ZNF674: variants seen among roughly 807,000 people sequenced by gnomAD.
ZNF674 encodes zinc finger protein 674.
ZNF674 carries 2 observed loss-of-function variants against 7.0 expected under a neutral mutation model. The ratio of observed to expected loss-of-function variants is 0.29; its 90% CI spans 0.12 to 0.90. ZNF674 has a LOEUF of 0.90. ZNF674 is among the 40% of genes least tolerant of loss of function. The pLI, the probability that ZNF674 is intolerant of heterozygous loss-of-function variation, is 0.57. For missense variants in ZNF674, 297 were observed against 415.5 expected (o/e 0.71, Z 2.48); for synonymous variants, 103 against 145.2 (o/e 0.71, Z 2.09).
At chrX:46,521,403 C>T (rs184518455) in intron 5 of ZNF674, among the ~76,000 whole-genome samples, 288 of 109,768 alleles carry the variant, frequency 2.6e-3, no homozygotes, top group African/African-American at 8.9e-3. Context: ...ACGGCAAAAC[C>T]CCATCTCTAC....
intron 1 of ZNF674, 145 bp from the exon 2 acceptor site, chrX:46,544,756 C>T (rs1942349362): frequency 8.9e-6 from 1 of 112,165 alleles, no homozygotes; most frequent in Admixed American, 9.5e-5. Context: ...CATTCATGCA[C>T]AGCTCAATTA....
chrX:46,507,735 C>A (rs979553344), intron 5 of ZNF674, among the ~76,000 whole-genome samples: 4 of 111,912 alleles, frequency 3.6e-5, no homozygotes, highest in Admixed American at 1.9e-4. Flanking sequence ...TGTACATACG[C>A]ATGCCTTTGG....
intron 3 of ZNF674, among the ~76,000 whole-genome samples, chrX:46,532,911 G>T (rs1482355463): frequency 8.9e-6 from 1 of 111,776 alleles, no homozygotes; most frequent in Non-Finnish European, 1.9e-5. Flanking sequence ...TTACAAATTT[G>T]TATTGGGCCG....
intron 3 of ZNF674, among the ~76,000 whole-genome samples, chrX:46,538,013 C>T (rs1212839094): frequency 9.1e-6 from 1 of 110,148 alleles, no homozygotes; most frequent in Non-Finnish European, 1.9e-5. Flanking sequence ...TGCTTGAACC[C>T]GGGAGGCGGA....
chrX:46,533,829 A>AAT (rs1197442802), intron 3 of ZNF674, among the ~76,000 whole-genome samples: 1,353 of 65,163 alleles, frequency 0.021, 86 homozygotes, highest in African/African-American at 0.075. Context: ...AAAAAAAAAA[A>AAT]ATATATATAT....
At chrX:46,517,429 A>G (rs180739040) in intron 5 of ZNF674, among the ~76,000 whole-genome samples, 1 of 111,936 alleles carries the variant, frequency 8.9e-6, no homozygotes, top group East Asian at 2.8e-4. Context: ...ATTGCAAAAA[A>G]TAATAACCAA....
intron 5 of ZNF674, among the ~76,000 whole-genome samples, chrX:46,504,420 G>A (rs1403902134): frequency 1.8e-5 from 2 of 108,508 alleles, no homozygotes; most frequent in African/African-American, 6.7e-5. Flanking sequence ...TTGGCTCACT[G>A]CAACCTCTGC....
intron 3 of ZNF674, chrX:46,529,511 A>G (rs1383344569): frequency 1.8e-5 from 2 of 112,425 alleles, no homozygotes; most frequent in Non-Finnish European, 3.7e-5. Flanking sequence ...TCTACTAAAA[A>G]TACAAAAAAT....
At chrX:46,511,698 C>A (rs867584738) in intron 5 of ZNF674, among the ~76,000 whole-genome samples, 42 of 112,135 alleles carry the variant, frequency 3.7e-4, no homozygotes, top group African/African-American at 1.3e-3. Flanking sequence ...GGGACTAAAG[C>A]CTATTAGCTC....
At position 46,498,214 on chromosome X, in the gene ZNF674, TTG is replaced by T. The variant is rs1231179956; in HGVS notation, c.*1627_*1628del. Reference sequence around the variant, plus strand: ...TAATCATCTATCATTGGATATTAAATTGTCTTATTTTTTCACTACTTTAAATA... The same window carrying T: ...TAATCATCTATCATTGGATATTAAATTCTTATTTTTTCACTACTTTAAATA... On this transcript the variant is annotated 3_prime_UTR_variant, in exon 6 of 6. Coordinates refer to ENST00000683375, the MANE Select transcript of ZNF674 (RefSeq NM_001190417.2). 6 of 112,055 alleles carry T rather than the reference TTG, an allele frequency of 5.4e-5. No homozygotes were observed. The highest frequency in any genetic ancestry group is 9.7e-5 in the African/African-American group (3 of 30,882). 9.2% of individuals were successfully genotyped at this position (112,055 alleles called of 1,213,427 possible). A position where few individuals can be genotyped will look rare whatever the true frequency, so the allele number is the denominator to read the frequency against.
intron 5 of ZNF674, among the ~76,000 whole-genome samples, chrX:46,524,537 AC>A (rs1941972316): frequency 9.2e-6 from 1 of 108,275 alleles, no homozygotes; most frequent in Non-Finnish European, 1.9e-5. Context: ...ATATATACAC[AC>A]AAAAAAAATT....
rs1220586242 is a variant in ZNF674, at chrX:46,499,270, C to T, written c.*573G>A. 8.9e-6 allele frequency: 1 copy of T among 112,022 alleles called. No individual in the cohort carries two copies. Among genetic ancestry groups the T allele is most frequent in the Non-Finnish European group, 1.9e-5 (1 of 53,347 alleles). 9.2% of individuals were successfully genotyped at this position (112,022 alleles called of 1,213,427 possible). ...CTCTGCCTCCTGGGCTCAAGCCACCCTCCTACTTCAACCTCCTGAGTAGCT... is the reference window on the plus strand; with the variant it reads ...CTCTGCCTCCTGGGCTCAAGCCACCTTCCTACTTCAACCTCCTGAGTAGCT... On this transcript the variant is annotated 3_prime_UTR_variant, in exon 6 of 6. Coordinates refer to ENST00000683375, the MANE Select transcript of ZNF674 (RefSeq NM_001190417.2).
intron 5 of ZNF674, among the ~76,000 whole-genome samples, chrX:46,511,512 C>A (rs1328798812): frequency 8.9e-6 from 1 of 111,991 alleles, no homozygotes; most frequent in Admixed American, 9.6e-5. Flanking sequence ...AAAAGGATAA[C>A]TGAGTAAGAG....
chrX:46,523,877 T>C (rs1283165761), intron 5 of ZNF674, among the ~76,000 whole-genome samples: 2 of 110,708 alleles, frequency 1.8e-5, no homozygotes, highest in East Asian at 5.7e-4. Context: ...ACCCTGTGTC[T>C]ACTAAAAACA....
In ZNF674 at chrX:46,499,968, T is replaced by C. The variant is rs757892785; in HGVS notation, c.1606A>G (p.Ile536Val). 3 of 1,199,183 alleles carry C rather than the reference T, an allele frequency of 2.5e-6. No individual in the cohort carries two copies. The Admixed American group carries it at 6.7e-5, about 27-fold the overall frequency. ...GKAFSVKSTL[I>V]VHHRTHTGEK... ...CCTGTATGAGTTCTGTGATGCACAA[T>C]GAGAGTTGATTTCACACTGAAGGCC... is the stretch of plus-strand genomic sequence containing the variant. The change falls in exon 6 of 6, where the codon ATT (isoleucine) becomes GTT (valine). Residue 536 changes from isoleucine (I) to valine (V), a missense_variant. Coordinates refer to ENST00000683375, the MANE Select transcript of ZNF674 (RefSeq NM_001190417.2).
intron 5 of ZNF674, among the ~76,000 whole-genome samples, chrX:46,505,861 C>T (rs1941529398): frequency 9.0e-6 from 1 of 111,570 alleles, no homozygotes; most frequent in Non-Finnish European, 1.9e-5. Flanking sequence ...ACTACTACTA[C>T]TCTTCCTGCT....
chrX:46,513,270 A>C (rs747562423), intron 5 of ZNF674, among the ~76,000 whole-genome samples: 6 of 112,055 alleles, frequency 5.4e-5, no homozygotes, highest in Non-Finnish European at 7.5e-5. Flanking sequence ...CAAAAAAAAA[A>C]CAAAAACAAA....
intron 5 of ZNF674, among the ~76,000 whole-genome samples, chrX:46,501,986 A>G (rs1370624753): frequency 9.1e-6 from 1 of 109,618 alleles, no homozygotes; most frequent in Non-Finnish European, 1.9e-5. Context: ...AGGGAAAACC[A>G]ACTCTCATTG....
intron 5 of ZNF674, among the ~76,000 whole-genome samples, chrX:46,511,939 G>T (rs1173477278): frequency 2.8e-5 from 3 of 108,597 alleles, no homozygotes; most frequent in African/African-American, 1.0e-4. Context: ...AGGAGAATTG[G>T]TTGAACCCAA....
Sources: allele counts gnomAD v4.1 joint callset (sites outside exome capture counted in the v4.1 genomes callset), GRCh38; gene constraint gnomAD v4.1.1; transcripts MANE v1.5; gene names NCBI Gene and HGNC (gene_info 2026-07-23, HGNC 2026-07-21).